Variants in EPB41L3 observed in about 807,000 individuals in gnomAD.
The protein encoded by EPB41L3 is band 4.1-like protein 3.
A neutral mutation model predicts 127.1 loss-of-function variants in EPB41L3; 57 were observed. The observed-to-expected ratio is 0.45, with a 90% CI of 0.36 to 0.56. The LOEUF is 0.56. Among genes scored for constraint, EPB41L3 ranks in the 20% least tolerant of loss-of-function variants. The probability of loss-of-function intolerance (pLI) is 0.00; values close to 1 mark genes in which losing one functional copy is unlikely to be tolerated. For missense variants in EPB41L3, 1,273 were observed against 1,372.2 expected, an observed-to-expected ratio of 0.93 and a Z score of 1.14; for synonymous variants, 572 against 549.5, an observed-to-expected ratio of 1.04 and a Z score of -0.57.
intron 3 of EPB41L3, chr18:5,567,541 G>C (rs1304224371): frequency 6.6e-6 from 1 of 151,856 alleles, no homozygotes; most frequent in East Asian, 1.9e-4. Flanking sequence ...TTTGTACCTC[G>C]AGTTTATTTG....
chr18:5,397,107 C>T lies in EPB41L3; in HGVS notation c.2792G>A (p.Ser931Asn), dbSNP rs1471068537. Reference sequence around the variant, plus strand: ...AGTTTCTGAAATGTGGATGGCTGCACTCTGCTCCTCTTGTCGCTCACGGGA... The same window carrying T: ...AGTTTCTGAAATGTGGATGGCTGCATTCTGCTCCTCTTGTCGCTCACGGGA... Reference protein sequence around the residue: ...AASRERQEEQSAAIHISETLE... With the variant: ...AASRERQEEQNAAIHISETLE... The change falls in exon 18 of 23, where the codon AGT becomes AAT. Residue 931 changes from serine to asparagine, a missense_variant. Around this residue, in one of 3 missense-constraint regions of EPB41L3, gnomAD observed 765 missense variants for 782.9 expected, o/e 0.98. Transcript: ENST00000341928. This position sits in a 1 kb window ranked among gnomAD's most constrained non-coding sequence, Gnocchi z 4.1. The T allele has an allele frequency of 3.1e-6, 5 of 1,613,768 alleles. No homozygotes were observed. The highest frequency in any genetic ancestry group is 1.7e-5 in the Admixed American group (1 of 59,956).
intron 1 of EPB41L3, among the ~76,000 whole-genome samples, chr18:5,502,030 CCCTCCTGCCTCCTGCCTCCTG>C (rs149341118): frequency 2.0e-5 from 3 of 151,668 alleles, no homozygotes; most frequent in African/African-American, 4.9e-5. Context: ...TCGCCATCTT[CCCTCCTGCCTCCTGCCTCCTG>C]CCTCCTGCCT....
At chr18:5,444,843 C>T (rs568780110) in intron 4 of EPB41L3, among the ~76,000 whole-genome samples, 2 of 152,132 alleles carry the variant, frequency 1.3e-5, no homozygotes, top group South Asian at 2.1e-4. Context: ...ATTACTCCCC[C>T]CAACCCCACC....
At chr18:5,515,416 T>C (rs1336131047) in intron 1 of EPB41L3, among the ~76,000 whole-genome samples, 1 of 152,190 alleles carries the variant, frequency 6.6e-6, no homozygotes, top group African/African-American at 2.4e-5. Flanking sequence ...TGAAATGAAC[T>C]CTGCATCAGT....
intron 2 of EPB41L3, among the ~76,000 whole-genome samples, chr18:5,484,029 T>C (rs1224978957): frequency 8.4e-6 from 1 of 119,640 alleles, no homozygotes; most frequent in Non-Finnish European, 1.6e-5. Context: ...CATCAGCACA[T>C]GGAACACTGT....
chr18:5,409,680 A>C (rs7240696), intron 14 of EPB41L3, among the ~76,000 whole-genome samples: 134,924 of 149,790 alleles, frequency 0.9, 61,674 homozygotes, highest in Non-Finnish European at 0.98. Context: ...TCTAAATACC[A>C]AACTAGAAAA....
chr18:5,519,595 G>A (rs1335759581), intron 1 of EPB41L3, among the ~76,000 whole-genome samples: 1 of 152,164 alleles, frequency 6.6e-6, no homozygotes, highest in Admixed American at 6.5e-5. Flanking sequence ...CAGCCCAGGA[G>A]TCCCTAAGGG....
chr18:5,449,030 G>C (rs1159168293), intron 3 of EPB41L3, among the ~76,000 whole-genome samples: 1 of 152,054 alleles, frequency 6.6e-6, no homozygotes, highest in Admixed American at 6.5e-5. Context: ...TGTCAAAAGA[G>C]AACTTAAAGA....
chr18:5,473,409 A>C (rs1339243457), intron 3 of EPB41L3, among the ~76,000 whole-genome samples: 3 of 152,010 alleles, frequency 2.0e-5, no homozygotes, highest in African/African-American at 7.3e-5. Context: ...TGCACCACAC[A>C]ATGGCTTAAA....
At chr18:5,627,587 T>C (rs984392905) in intron 1 of EPB41L3, among the ~76,000 whole-genome samples, 1 of 152,218 alleles carries the variant, frequency 6.6e-6, no homozygotes, top group African/African-American at 2.4e-5. Flanking sequence ...TTGGGATATA[T>C]AGTTTAATAT....
intron 18 of EPB41L3, among the ~76,000 whole-genome samples, chr18:5,396,568 A>G (rs2073523974): frequency 6.6e-6 from 1 of 152,148 alleles, no homozygotes; most frequent in Non-Finnish European, 1.5e-5. Context: ...AATAAAAAAA[A>G]GTTTTCTATT....
chr18:5,398,367 G>A (rs2073941247), intron 16 of EPB41L3: 3 of 555,970 alleles, frequency 5.4e-6, no homozygotes, highest in South Asian at 2.6e-5. Context: ...GGGTGGCGCC[G>A]ATTTAAGCAG....
In EPB41L3 at chr18:5,493,735, C is replaced by T. The variant is rs141984719; in HGVS notation, c.-11-4541G>A. ...AAGCTTCTGGAAGGAATTTTCTTCT[C>T]ATGCTGTCACCACATCCTCCCACTC... On this transcript the variant is annotated intron_variant, in intron 1 of 22. Transcript: ENST00000341928. Among the ~76,000 whole-genome samples, 64 of 152,262 alleles carry T rather than the reference C, an allele frequency of 4.2e-4. No individual in the cohort carries two copies. In the East Asian group the frequency reaches 0.011, roughly 27 times the overall value.
At chr18:5,407,757 T>A (rs1444188097) in intron 14 of EPB41L3, 21 bp from the exon 15 acceptor site, 2 of 1,613,168 alleles carry the variant, frequency 1.2e-6, no homozygotes, top group African/African-American at 1.3e-5. Context: ...CAAGAAAGAG[T>A]GGGAAATAAA....
chr18:5,423,363 G>A lies in EPB41L3; in HGVS notation c.1339+15C>T, dbSNP rs2077723037. 1 of 1,589,522 alleles carries A rather than the reference G, an allele frequency of 6.3e-7. No individual in the cohort carries two copies. Among genetic ancestry groups the A allele is most frequent in the African/African-American group, 1.3e-5 (1 of 74,496 alleles). On this transcript the variant is annotated intron_variant, in intron 11 of 22. Transcript: ENST00000341928. ...GTAGGTACTAGGTTATTAAGGGCCAGTAAGCGATGCCTACCTCCATCCAAG... is the reference window on the plus strand; with the variant it reads ...GTAGGTACTAGGTTATTAAGGGCCAATAAGCGATGCCTACCTCCATCCAAG...
chr18:5,526,139 G>C (rs949879496), intron 1 of EPB41L3, among the ~76,000 whole-genome samples: 2 of 152,198 alleles, frequency 1.3e-5, no homozygotes, highest in Admixed American at 6.5e-5. Context: ...TTCCAGGCCT[G>C]AGACATAATC....
intron 3 of EPB41L3, among the ~76,000 whole-genome samples, chr18:5,567,632 A>AGAAGGAAG (rs565140894): frequency 1.3e-5 from 2 of 152,012 alleles, no homozygotes; most frequent in African/African-American, 4.8e-5. Flanking sequence ...AAGGAAGGAA[A>AGAAGGAAG]GAAGGAAGGA....
chr18:5,399,205 G>C (rs1001056582), intron 16 of EPB41L3: 21 of 398,862 alleles, frequency 5.3e-5, no homozygotes, highest in Admixed American at 2.2e-4. Context: ...TCTTTCAGTT[G>C]CATTTCTCGA....
intron 3 of EPB41L3, among the ~76,000 whole-genome samples, chr18:5,550,602 A>T (rs1301352415): frequency 6.6e-6 from 1 of 152,230 alleles, no homozygotes; most frequent in African/African-American, 2.4e-5. Context: ...TTTTATAAAC[A>T]GTGAGTTTCC....
Sources: allele counts gnomAD v4.1 joint callset (sites outside exome capture counted in the v4.1 genomes callset), GRCh38; gene constraint gnomAD v4.1.1; regional missense constraint gnomAD v4.1.1; non-coding constraint Gnocchi (gnomAD v3.1); transcripts MANE v1.5; gene names NCBI Gene and HGNC (gene_info 2026-07-23, HGNC 2026-07-21).